The following DPP10 variants were observed in gnomAD, a reference collection of about 807,000 sequenced individuals.
The protein encoded by DPP10 is dipeptidyl peptidase like 10.
Under a neutral mutation model 120.9 loss-of-function variants are expected in DPP10, and 33 were observed. The ratio of observed to expected loss-of-function variants is 0.27; its 90% confidence interval spans 0.21 to 0.37. DPP10 has a LOEUF of 0.37. Among genes scored for constraint, DPP10 ranks in the 10% least tolerant of loss-of-function variants. The pLI is 1.00. For missense variants in DPP10, 816 were observed against 942.8 expected (o/e 0.87, Z 1.76); for synonymous variants, 337 against 326.1 (o/e 1.03, Z -0.36).
intron 8 of DPP10, among the ~76,000 whole-genome samples, chr2:115,733,860 G>A (rs1271807386): frequency 1.3e-5 from 2 of 152,132 alleles, no homozygotes; most frequent in Admixed American, 1.3e-4. Context: ...TAATAAAAAC[G>A]ATGAAGAGCC....
intron 7 of DPP10, among the ~76,000 whole-genome samples, chr2:115,707,369 C>T (rs1203526744): frequency 2.7e-5 from 4 of 149,222 alleles, no homozygotes; most frequent in African/African-American, 9.8e-5. Flanking sequence ...TGAATTCATA[C>T]CAAATTATAT....
chr2:115,617,537 A>G (rs1050653119), intron 5 of DPP10, among the ~76,000 whole-genome samples: 4 of 151,806 alleles, frequency 2.6e-5, no homozygotes, highest in African/African-American at 9.7e-5. Flanking sequence ...ATAATAAGAT[A>G]TTTTTACTAT....
At chr2:115,488,207 A>G (rs1274144204) in intron 3 of DPP10, among the ~76,000 whole-genome samples, 1 of 47,470 alleles carries the variant, frequency 2.1e-5, no homozygotes. Flanking sequence ...TTAGAATGGC[A>G]ATCATTAAAA....
intron 1 of DPP10, among the ~76,000 whole-genome samples, chr2:114,988,275 A>G (rs1007279976): frequency 9.9e-5 from 15 of 152,220 alleles, no homozygotes; most frequent in Non-Finnish European, 1.9e-4. Flanking sequence ...ATGCCAACAT[A>G]GGGTCCTACC....
At chr2:114,938,386 T>A (rs190468261) in intron 1 of DPP10, among the ~76,000 whole-genome samples, 1 of 152,132 alleles carries the variant, frequency 6.6e-6, no homozygotes, top group Non-Finnish European at 1.5e-5. Flanking sequence ...TAGGGTTTTA[T>A]ATACGCCACT....
At chr2:114,810,983 G>T (rs1685122841) in intron 1 of DPP10, among the ~76,000 whole-genome samples, 1 of 152,182 alleles carries the variant, frequency 6.6e-6, no homozygotes. Context: ...CAGCCAAAAT[G>T]ATTGTCACCA....
intron 1 of DPP10, among the ~76,000 whole-genome samples, chr2:115,246,824 A>G (rs2058556404): frequency 6.6e-6 from 1 of 152,136 alleles, no homozygotes; most frequent in Non-Finnish European, 1.5e-5. Context: ...CACATCTACC[A>G]TGTTCACATC....
At chr2:114,868,012 G>T (rs1690378166) in intron 1 of DPP10, among the ~76,000 whole-genome samples, 1 of 152,192 alleles carries the variant, frequency 6.6e-6, no homozygotes, top group Admixed American at 6.5e-5. Context: ...TTGCAATGAG[G>T]TAGATAACTG....
intron 1 of DPP10, among the ~76,000 whole-genome samples, chr2:115,307,560 T>G (rs2061409050): frequency 6.6e-6 from 1 of 152,124 alleles, no homozygotes; most frequent in Non-Finnish European, 1.5e-5. Context: ...GCCCTTTTTT[T>G]CACTGTCTCA....
chr2:115,211,297 T>G (rs2105352827), intron 1 of DPP10, among the ~76,000 whole-genome samples: 1 of 151,822 alleles, frequency 6.6e-6, no homozygotes, highest in Middle Eastern at 3.4e-3. Flanking sequence ...TAAGTTATCA[T>G]TTCTCATAGG....
chr2:114,984,892 T>C (rs1700303130), intron 1 of DPP10, among the ~76,000 whole-genome samples: 1 of 152,190 alleles, frequency 6.6e-6, no homozygotes, highest in Non-Finnish European at 1.5e-5. Flanking sequence ...TGGCCCCAGC[T>C]ATGTGTCCAT....
intron 5 of DPP10, among the ~76,000 whole-genome samples, chr2:115,542,884 T>G: frequency 6.6e-6 from 1 of 151,966 alleles, no homozygotes; most frequent in East Asian, 1.9e-4. Flanking sequence ...GCAAAATGAA[T>G]ATTTTATAAT....
chr2:114,772,811 A>C (rs543821680), intron 1 of DPP10, among the ~76,000 whole-genome samples: 3 of 152,154 alleles, frequency 2.0e-5, no homozygotes, highest in Non-Finnish European at 4.4e-5. Context: ...GTTAGATGCC[A>C]AGATTCTGAA....
intron 2 of DPP10, among the ~76,000 whole-genome samples, chr2:115,342,851 G>C (rs1301934694): frequency 6.6e-6 from 1 of 152,040 alleles, no homozygotes; most frequent in Non-Finnish European, 1.5e-5. Flanking sequence ...ATTGATTTAT[G>C]TGAAAGGGAA....
chr2:115,388,418 A>C (rs994670717), intron 3 of DPP10, among the ~76,000 whole-genome samples: 5 of 152,160 alleles, frequency 3.3e-5, no homozygotes, highest in African/African-American at 9.7e-5. Context: ...TCAGAGATCA[A>C]GGGTAGGAGC....
intron 1 of DPP10, among the ~76,000 whole-genome samples, chr2:115,221,097 G>T (rs2057130489): frequency 6.7e-6 from 1 of 150,214 alleles, no homozygotes; most frequent in African/African-American, 2.4e-5. Flanking sequence ...CTTTTTTTTT[G>T]CCCAGAGTGT....
At chr2:115,681,435 TCAATACAAC>T (rs549995871) in intron 5 of DPP10, among the ~76,000 whole-genome samples, 94 of 151,948 alleles carry the variant, frequency 6.2e-4, no homozygotes, top group South Asian at 3.7e-3. Context: ...AAATACAAAA[TCAATACAAC>T]TCATTTTAAG....
chr2:114,578,853 T>G (rs939774608), intron 1 of DPP10, among the ~76,000 whole-genome samples: 1 of 152,162 alleles, frequency 6.6e-6, no homozygotes, highest in African/African-American at 2.4e-5. Flanking sequence ...AAAATAAAAA[T>G]AGGAAAAAAA....
chr2:114,941,679 A>T (rs1696912004), intron 1 of DPP10, among the ~76,000 whole-genome samples: 1 of 152,190 alleles, frequency 6.6e-6, no homozygotes, highest in South Asian at 2.1e-4. Flanking sequence ...ATTCAATGTC[A>T]TGAAAATATG....
Sources: allele counts gnomAD v4.1 joint callset (sites outside exome capture counted in the v4.1 genomes callset), GRCh38; gene constraint gnomAD v4.1.1; transcripts MANE v1.5; gene names NCBI Gene and HGNC (gene_info 2026-07-23, HGNC 2026-07-21).